SDK1: variants seen among roughly 807,000 people sequenced by gnomAD.
SDK1 encodes the protein protein sidekick-1.
In SDK1, 157 loss-of-function variants were observed where a neutral mutation model predicts 245.5. The observed-to-expected ratio is 0.64, with a 90% CI of 0.56 to 0.73. SDK1 has a LOEUF of 0.73. Ranked by LOEUF, SDK1 falls within the 30% of genes least tolerant of loss-of-function variation. The pLI is 0.00. For synonymous variants in SDK1, 1,647 were observed against 1,278.5 expected (o/e 1.29, Z -6.15); for missense variants, 3,583 against 3,002.3 (o/e 1.19, Z -4.52).
At chr7:3,398,762 C>G (rs2128572563) in intron 1 of SDK1, among the ~76,000 whole-genome samples, 2 of 140,226 alleles carry the variant, frequency 1.4e-5, no homozygotes, top group African/African-American at 5.1e-5. Flanking sequence ...GACTGAGCCC[C>G]CAGTAGTTTT....
intron 4 of SDK1, among the ~76,000 whole-genome samples, chr7:3,790,630 A>G (rs1781051290): frequency 6.6e-6 from 1 of 152,190 alleles, no homozygotes; most frequent in Admixed American, 6.5e-5. Flanking sequence ...CAACATGGTG[A>G]AACCCCATCT....
At chr7:3,841,513 G>T (rs1194148888) in intron 5 of SDK1, among the ~76,000 whole-genome samples, 1 of 152,052 alleles carries the variant, frequency 6.6e-6, no homozygotes, top group Non-Finnish European at 1.5e-5. Context: ...GCTCCAGGTG[G>T]CTAGAACCAG....
chr7:4,112,656 A>G (rs1029164876), intron 23 of SDK1, among the ~76,000 whole-genome samples: 12 of 152,196 alleles, frequency 7.9e-5, no homozygotes, highest in Admixed American at 4.6e-4. Flanking sequence ...AATCCATCCA[A>G]CTAGATTTCA....
chr7:4,227,180 A>T, intron 40 of SDK1: 1 of 317,262 alleles, frequency 3.2e-6, no homozygotes, highest in Non-Finnish European at 6.2e-6. Flanking sequence ...TGACATCCAT[A>T]GAAGTTCCAA....
chr7:3,643,203 T>G (rs1287045849), intron 4 of SDK1: 1 of 150,038 alleles, frequency 6.7e-6, no homozygotes, highest in Non-Finnish European at 1.5e-5. Context: ...ATGATTCTTG[T>G]CTCCCACCCC....
chr7:3,574,771 C>T (rs1428312819), intron 1 of SDK1, among the ~76,000 whole-genome samples: 1 of 152,054 alleles, frequency 6.6e-6, no homozygotes, highest in Admixed American at 6.6e-5. Context: ...AAACCAACTA[C>T]TCAAAGGCAG....
intron 44 of SDK1, among the ~76,000 whole-genome samples, chr7:4,249,365 G>T (rs1343014985): frequency 6.6e-6 from 1 of 152,200 alleles, no homozygotes; most frequent in African/African-American, 2.4e-5. Context: ...GGCTGAGGTG[G>T]CAAGGGGCCT....
intron 1 of SDK1, 142 bp downstream of exon 1, chr7:3,302,026 G>A (rs1779280536): frequency 1.9e-6 from 1 of 523,958 alleles, no homozygotes; most frequent in African/African-American, 2.1e-5. Context: ...AGGGAGCCCA[G>A]GGGCTCCTCC....
chr7:3,527,049 C>T (rs955483211), intron 1 of SDK1, among the ~76,000 whole-genome samples: 1 of 152,068 alleles, frequency 6.6e-6, no homozygotes, highest in African/African-American at 2.4e-5. Flanking sequence ...GTTTGGTCTG[C>T]TCTTGATAGT....
chr7:3,430,799 C>G (rs1318375871), intron 1 of SDK1, among the ~76,000 whole-genome samples: 1 of 152,196 alleles, frequency 6.6e-6, no homozygotes, highest in Admixed American at 6.5e-5. Flanking sequence ...GGGCCCATGC[C>G]TCCGGTGGAT....
At chr7:3,811,312 C>T (rs938457762) in intron 4 of SDK1, among the ~76,000 whole-genome samples, 13 of 152,126 alleles carry the variant, frequency 8.5e-5, no homozygotes, top group African/African-American at 1.9e-4. Flanking sequence ...TGCCTGATCG[C>T]GTTAAGGGCC....
intron 4 of SDK1, among the ~76,000 whole-genome samples, chr7:3,705,595 A>G (rs1171209051): frequency 1.3e-5 from 2 of 151,888 alleles, no homozygotes; most frequent in African/African-American, 2.4e-5. Flanking sequence ...ATTGGTATAC[A>G]TTGATTTTTG....
chr7:3,982,989 A>G (rs528961097), intron 13 of SDK1, among the ~76,000 whole-genome samples: 1 of 152,176 alleles, frequency 6.6e-6, no homozygotes. Flanking sequence ...GATGTGGTGG[A>G]AACAGCAAGA....
At chr7:3,629,620 G>C (rs562287160) in intron 2 of SDK1, among the ~76,000 whole-genome samples, 3 of 152,194 alleles carry the variant, frequency 2.0e-5, no homozygotes, top group African/African-American at 4.8e-5. Flanking sequence ...TACTGCTCTG[G>C]TTCTGCCTAA....
chr7:3,502,208 C>T (rs959411621), intron 1 of SDK1, among the ~76,000 whole-genome samples: 12 of 151,200 alleles, frequency 7.9e-5, no homozygotes, highest in African/African-American at 2.9e-4. Flanking sequence ...TCTTTTTTTT[C>T]AAAATGTTTC....
intron 1 of SDK1, among the ~76,000 whole-genome samples, chr7:3,516,627 CA>C (rs1334983737): frequency 2.0e-5 from 3 of 152,108 alleles, no homozygotes; most frequent in South Asian, 2.1e-4. Context: ...AGTATTTTCA[CA>C]AAATGCTTTA....
chr7:4,227,272 A>C, intron 40 of SDK1: 2 of 429,770 alleles, frequency 4.7e-6, no homozygotes, highest in South Asian at 3.5e-5. Context: ...TCTTTCTCAT[A>C]AGCTGCTTGT....
intron 1 of SDK1, among the ~76,000 whole-genome samples, chr7:3,495,584 C>G (rs1201304809): frequency 1.3e-5 from 2 of 152,172 alleles, no homozygotes; most frequent in Non-Finnish European, 2.9e-5. Flanking sequence ...GATGCTGTCC[C>G]TGTGTTCAGG....
intron 1 of SDK1, among the ~76,000 whole-genome samples, chr7:3,606,200 A>G (rs1180591318): frequency 6.6e-6 from 1 of 152,102 alleles, no homozygotes; most frequent in South Asian, 2.1e-4. Flanking sequence ...TTCTGGCCAG[A>G]AATTTTGGTA....
Sources: gnomAD v4.1 joint callset for allele counts (sites outside exome capture counted in the v4.1 genomes callset) on GRCh38, gnomAD v4.1.1 for gene constraint, MANE v1.5 for transcripts, NCBI Gene and HGNC (gene_info 2026-07-23, HGNC 2026-07-21) for gene names.